FAM78B: variants seen among roughly 807,000 people sequenced by gnomAD.
The protein encoded by FAM78B is protein FAM78B.
FAM78B carries 10 observed loss-of-function variants against 20.0 expected under a neutral mutation model. The ratio of observed to expected loss-of-function variants is 0.50; its 90% confidence interval spans 0.31 to 0.85. The LOEUF is 0.85. Among genes scored for constraint, FAM78B ranks in the 40% least tolerant of loss-of-function variants. FAM78B has a pLI of 0.05. For synonymous variants in FAM78B, 135 were observed against 132.8 expected (o/e 1.02, Z -0.12); for missense variants, 283 against 345.0 (o/e 0.82, Z 1.42).
chr1:166,142,536 G>A (rs753193955), intron 1 of FAM78B, among the ~76,000 whole-genome samples: 3 of 152,242 alleles, frequency 2.0e-5, no homozygotes, highest in Admixed American at 1.3e-4. Context: ...AGTGGGAAAA[G>A]AGGAAGACTA....
chr1:166,059,138 CAG>C (rs1214264570), exon 3 of FAM78B: 1 of 152,630 alleles, frequency 6.6e-6, no homozygotes, highest in African/African-American at 2.4e-5. Flanking sequence ...GAGAATCCTG[CAG>C]AGAGTAGGTT....
At chr1:166,146,356 G>A (rs1326509537) in intron 1 of FAM78B, among the ~76,000 whole-genome samples, 1 of 152,192 alleles carries the variant, frequency 6.6e-6, no homozygotes, top group Non-Finnish European at 1.5e-5. Context: ...GAATCAAACT[G>A]ATTGATTTTC....
At chr1:166,057,866 G>A (rs1651410124) in exon 3 of FAM78B, 1 of 152,172 alleles carries the variant, frequency 6.6e-6, no homozygotes, top group African/African-American at 2.4e-5. Context: ...AGGGTGGGGT[G>A]GGCCAGATGG....
At chr1:166,122,727 A>C (rs771338739) in intron 1 of FAM78B, among the ~76,000 whole-genome samples, 66 of 152,200 alleles carry the variant, frequency 4.3e-4, no homozygotes, top group Non-Finnish European at 8.8e-4. Context: ...GGGGATGGAA[A>C]ATATCTAACA....
chr1:166,069,227 ATGTGTGTG>A (rs140625373), downstream of FAM78B, among the ~76,000 whole-genome samples: 9 of 151,762 alleles, frequency 5.9e-5, no homozygotes, highest in African/African-American at 2.4e-5. Flanking sequence ...GCATGTGTGC[ATGTGTGTG>A]TGTGTGTCTA....
chr1:166,153,841 AC>A (rs1353725326), intron 1 of FAM78B, among the ~76,000 whole-genome samples: 7 of 151,352 alleles, frequency 4.6e-5, no homozygotes, highest in Non-Finnish European at 7.4e-5. Flanking sequence ...CTCCCTCTAT[AC>A]CCCCCTTAGA....
chr1:166,147,514 G>A (rs1655506065), intron 1 of FAM78B, among the ~76,000 whole-genome samples: 1 of 152,210 alleles, frequency 6.6e-6, no homozygotes, highest in South Asian at 2.1e-4. Flanking sequence ...TATTGTCAAG[G>A]TGTTTTTATG....
exon 3 of FAM78B, chr1:166,060,589 C>T (rs1300907957): frequency 7.0e-6 from 9 of 1,288,670 alleles, no homozygotes; most frequent in Non-Finnish European, 8.1e-6. Context: ...AGCCGCCAGC[C>T]ATTGCTCACT....
chr1:166,074,093 T>A (rs1652162915), intron 1 of FAM78B, among the ~76,000 whole-genome samples: 1 of 152,226 alleles, frequency 6.6e-6, no homozygotes, highest in East Asian at 1.9e-4. Flanking sequence ...TGTTCAAACA[T>A]GCAAATCTGA....
At chr1:166,089,675 C>T (rs1652987053) in intron 1 of FAM78B, among the ~76,000 whole-genome samples, 1 of 151,856 alleles carries the variant, frequency 6.6e-6, no homozygotes, top group African/African-American at 2.4e-5. Flanking sequence ...CCAGAGTGCC[C>T]TGGGACTGGG....
intron 1 of FAM78B, among the ~76,000 whole-genome samples, chr1:166,079,419 T>C (rs1652477096): frequency 6.6e-6 from 1 of 152,212 alleles, no homozygotes; most frequent in South Asian, 2.1e-4. Flanking sequence ...GCCTTTTCAC[T>C]GTCCTGTCTT....
In FAM78B at chr1:166,117,277, T is replaced by A. The variant is rs1654296734; in HGVS notation, c.264-46514A>T. On this transcript the variant is annotated intron_variant, in intron 1 of 1. Coordinates refer to ENST00000354422, the MANE Select transcript of FAM78B (RefSeq NM_001017961.5). ...ATACTTATCTATTTTGCATTTTGTA[T>A]CTTGTGGGACATGTAGTTTGCTGTT... Among the ~76,000 whole-genome samples the A allele has an allele frequency of 3.9e-5, 6 of 152,210 alleles. No individual in the cohort carries two copies. In the South Asian group the frequency reaches 1.2e-3, roughly 32 times the overall value.
chr1:166,132,880 TCTG>T (rs1654925903), intron 1 of FAM78B, among the ~76,000 whole-genome samples: 1 of 152,212 alleles, frequency 6.6e-6, no homozygotes, highest in African/African-American at 2.4e-5. Flanking sequence ...CTTCATAGTA[TCTG>T]CTGGTTTCTC....
intron 1 of FAM78B, among the ~76,000 whole-genome samples, chr1:166,079,474 G>A (rs954074982): frequency 2.6e-5 from 4 of 152,194 alleles, no homozygotes; most frequent in Admixed American, 6.5e-5. Flanking sequence ...TTGGGCCCAC[G>A]GGGTGGCCAG....
exon 3 of FAM78B, chr1:166,059,892 G>C (rs1181403330): frequency 6.6e-6 from 1 of 152,186 alleles, no homozygotes; most frequent in African/African-American, 2.4e-5. Context: ...TTCTGGGGCT[G>C]ATGCTTAAAA....
At chr1:166,091,358 T>C (rs1425839028) in intron 1 of FAM78B, among the ~76,000 whole-genome samples, 2 of 152,080 alleles carry the variant, frequency 1.3e-5, no homozygotes, top group Non-Finnish European at 2.9e-5. Flanking sequence ...AACTGAATCA[T>C]GGGGGCAGGT....
chr1:166,123,020 T>C (rs1654516285), intron 1 of FAM78B, among the ~76,000 whole-genome samples: 1 of 152,098 alleles, frequency 6.6e-6, no homozygotes, highest in African/African-American at 2.4e-5. Context: ...GGGGCTACTC[T>C]AAGAAAGGCA....
intron 1 of FAM78B, among the ~76,000 whole-genome samples, chr1:166,095,603 TG>T (rs900362600): frequency 2.0e-5 from 3 of 152,140 alleles, no homozygotes; most frequent in Non-Finnish European, 4.4e-5. Context: ...CCTCCACCTC[TG>T]CCCCAGTCAT....
chr1:166,063,669 T>C (rs935450041), intron 2 of FAM78B, among the ~76,000 whole-genome samples: 1 of 152,210 alleles, frequency 6.6e-6, no homozygotes, highest in East Asian at 1.9e-4. Context: ...TCTCTGTTCC[T>C]AGTAATGCTG....
Sources: allele counts gnomAD v4.1 joint callset (sites outside exome capture counted in the v4.1 genomes callset), GRCh38; gene constraint gnomAD v4.1.1; transcripts MANE v1.5; gene names NCBI Gene and HGNC (gene_info 2026-07-23, HGNC 2026-07-21).